The following CELF2 variants were observed in gnomAD, a reference collection of about 807,000 sequenced individuals.
CELF2 encodes CUGBP Elav-like family member 2, also known as CUG triplet repeat RNA-binding protein 2.
In CELF2, 8 loss-of-function variants were observed where a neutral mutation model predicts 62.6. That is an observed-to-expected ratio of 0.13 (90% confidence interval 0.07 to 0.23). The LOEUF (loss-of-function observed/expected upper bound fraction) is 0.23, where lower values mean the gene tolerates loss of function less well. CELF2 is among the 10% of genes least tolerant of loss of function. The pLI is 1.00. For synonymous variants in CELF2, 258 were observed against 250.0 expected (o/e 1.03, Z -0.30); for missense variants, 333 against 671.0 (o/e 0.50, Z 5.56).
the CELF2 span, among the ~76,000 whole-genome samples, chr10:10,651,087 T>C: frequency 6.6e-6 from 1 of 150,672 alleles, no homozygotes; most frequent in East Asian, 1.9e-4. Flanking sequence ...GAGTTCCCTT[T>C]CCAAGTCAAA....
chr10:10,586,432 A>G, the CELF2 span, among the ~76,000 whole-genome samples: 3,978 of 152,230 alleles, frequency 0.026, 161 homozygotes, highest in African/African-American at 0.091. Context: ...TTCTGTATGC[A>G]TTGATTTGAA....
intron 1 of CELF2, among the ~76,000 whole-genome samples, chr10:11,111,063 A>T (rs950960820): frequency 2.6e-5 from 4 of 152,152 alleles, no homozygotes; most frequent in Admixed American, 2.6e-4. Context: ...CCATCCTGCT[A>T]CCTGCCTCTG....
At chr10:10,807,937 C>T (rs2055404864) in intron 1 of CELF2, among the ~76,000 whole-genome samples, 1 of 152,136 alleles carries the variant, frequency 6.6e-6, no homozygotes, top group Non-Finnish European at 1.5e-5. Context: ...CCCAGAGTAC[C>T]TGTCACAGAC....
At chr10:10,544,882 T>C in the CELF2 span, among the ~76,000 whole-genome samples, 1 of 152,218 alleles carries the variant, frequency 6.6e-6, no homozygotes, top group Admixed American at 6.5e-5. Flanking sequence ...GAATTTGATA[T>C]TCTATAGGCA....
chr10:10,734,138 A>G, the CELF2 span, among the ~76,000 whole-genome samples: 8 of 151,980 alleles, frequency 5.3e-5, no homozygotes, highest in Admixed American at 1.3e-4. Flanking sequence ...TAATACAACA[A>G]TCTTGTCTTC....
chr10:10,697,540 C>A, the CELF2 span, among the ~76,000 whole-genome samples: 1 of 152,194 alleles, frequency 6.6e-6, no homozygotes, highest in Non-Finnish European at 1.5e-5. Flanking sequence ...AAGAAATTGA[C>A]TTCTCACAGT....
chr10:11,319,024 T>C lies in CELF2; in HGVS notation c.1097-2165T>C, dbSNP rs2095263484. 2.1e-6 allele frequency: 1 copy of C among 470,990 alleles called. No homozygotes were observed. Among genetic ancestry groups the C allele is most frequent in the Non-Finnish European group, 4.4e-6 (1 of 227,066 alleles). 29.2% of individuals were successfully genotyped at this position (470,990 alleles called of 1,614,324 possible). On this transcript the variant is annotated intron_variant, in intron 10 of 12. Transcript: ENST00000633077. The surrounding 1 kb of genome is among the most constrained non-coding windows in gnomAD (Gnocchi z 4.4). Reference sequence around the variant, plus strand: ...CTGCTGTCTTCAGCCCGTCCTCGTCTGGCAGCAAGGCCCCACATGGCTCTG... The same window carrying C: ...CTGCTGTCTTCAGCCCGTCCTCGTCCGGCAGCAAGGCCCCACATGGCTCTG...
chr10:11,248,677 T>G (rs1031170994), intron 3 of CELF2, among the ~76,000 whole-genome samples: 5 of 152,260 alleles, frequency 3.3e-5, no homozygotes, highest in Non-Finnish European at 7.3e-5. Flanking sequence ...TAAGTTATTT[T>G]CAACGCATCT....
At chr10:10,638,164 A>G in the CELF2 span, among the ~76,000 whole-genome samples, 1 of 152,170 alleles carries the variant, frequency 6.6e-6, no homozygotes, top group South Asian at 2.1e-4. Flanking sequence ...TTGTGCATAC[A>G]CTTTAATGCC....
At chr10:10,886,305 T>G (rs1018573) in intron 1 of CELF2, among the ~76,000 whole-genome samples, 99,278 of 152,084 alleles carry the variant, frequency 0.65, 34,588 homozygotes, top group East Asian at 0.97. Flanking sequence ...CAAAGCTATT[T>G]GGAGAAGACC....
At chr10:10,808,550 A>C (rs1187071256) in intron 1 of CELF2, among the ~76,000 whole-genome samples, 2 of 152,192 alleles carry the variant, frequency 1.3e-5, no homozygotes, top group African/African-American at 4.8e-5. Context: ...AGGTTCGATT[A>C]CTTGACAAAA....
At chr10:10,964,645 AT>A (rs1249318590) in intron 2 of CELF2, among the ~76,000 whole-genome samples, 2 of 152,184 alleles carry the variant, frequency 1.3e-5, no homozygotes, top group Non-Finnish European at 2.9e-5. Flanking sequence ...TCTCTTGTAC[AT>A]TTTCAGATAC....
chr10:10,813,666 G>A (rs1207830021), intron 1 of CELF2, among the ~76,000 whole-genome samples: 2 of 152,168 alleles, frequency 1.3e-5, no homozygotes, highest in Admixed American at 1.3e-4. Context: ...AAAGCACATG[G>A]TCTCTATTTA....
At chr10:10,687,821 A>C in the CELF2 span, among the ~76,000 whole-genome samples, 1 of 152,182 alleles carries the variant, frequency 6.6e-6, no homozygotes, top group Non-Finnish European at 1.5e-5. Context: ...TCTCCTACCC[A>C]CTGTCAATTT....
the CELF2 span, among the ~76,000 whole-genome samples, chr10:10,500,816 G>A: frequency 1.6e-4 from 25 of 152,150 alleles, no homozygotes; most frequent in African/African-American, 5.8e-4. Context: ...TGCTCCTTAA[G>A]CCATGGCAGT....
intron 1 of CELF2, among the ~76,000 whole-genome samples, chr10:10,816,130 G>A (rs1165523625): frequency 6.6e-6 from 1 of 152,076 alleles, no homozygotes; most frequent in Non-Finnish European, 1.5e-5. Context: ...CACATCTTGA[G>A]ACCATAAGTT....
At position 11,029,254 on chromosome 10, in the gene CELF2, G is replaced by A. The variant is rs556327670; in HGVS notation, c.74+11091G>A. Reference sequence around the variant, plus strand: ...CATCTATGTGGTGTCCAGCTGCAGGGTGTGTCCTGGTTATTTTGGTGGTTA... The same window carrying A: ...CATCTATGTGGTGTCCAGCTGCAGGATGTGTCCTGGTTATTTTGGTGGTTA... On this transcript the variant is annotated intron_variant, in intron 1 of 12. Coordinates refer to ENST00000633077, the MANE Select transcript of CELF2 (RefSeq NM_001326342.2). Among the ~76,000 whole-genome samples, 37 of 152,304 alleles carry A rather than the reference G, an allele frequency of 2.4e-4. 1 individual carries two copies. The highest frequency in any genetic ancestry group is 7.9e-4 in the African/African-American group (33 of 41,572).
chr10:11,284,012 G>A (rs2090099164), intron 8 of CELF2, among the ~76,000 whole-genome samples: 3 of 139,646 alleles, frequency 2.1e-5, no homozygotes, highest in Non-Finnish European at 4.7e-5. Flanking sequence ...GGATGAGTGT[G>A]TGGTGGGTGG....
the CELF2 span, among the ~76,000 whole-genome samples, chr10:10,746,215 A>G: frequency 2.0e-5 from 3 of 152,242 alleles, no homozygotes; most frequent in African/African-American, 4.8e-5. Flanking sequence ...AAGATGGAAT[A>G]GTCTGCATTC....
Sources: gnomAD v4.1 joint callset for allele counts (sites outside exome capture counted in the v4.1 genomes callset) on GRCh38, gnomAD v4.1.1 for gene constraint, Gnocchi (gnomAD v3.1) non-coding constraint, MANE v1.5 for transcripts, NCBI Gene and HGNC (gene_info 2026-07-23, HGNC 2026-07-21) for gene names.